The following CNTN4 variants were observed in gnomAD, a reference collection of about 807,000 sequenced individuals.
CNTN4 encodes the protein contactin 4, also known as contactin-4.
CNTN4 carries 77 observed loss-of-function variants against 122.5 expected under a neutral mutation model. That is an observed-to-expected ratio of 0.63 (90% confidence interval 0.52 to 0.76). The LOEUF is 0.76. Among genes scored for constraint, CNTN4 ranks in the 30% least tolerant of loss-of-function variants. The pLI, the probability that CNTN4 is intolerant of heterozygous loss-of-function variation, is 0.00. For synonymous variants in CNTN4, 512 were observed against 447.0 expected (o/e 1.15, Z -1.83); for missense variants, 1,256 against 1,259.1 (o/e 1.00, Z 0.04).
At chr3:2,588,403 A>G (rs1030993712) in intron 4 of CNTN4, among the ~76,000 whole-genome samples, 1 of 152,044 alleles carries the variant, frequency 6.6e-6, no homozygotes, top group African/African-American at 2.4e-5. Context: ...GCCTCGCACT[A>G]TTGTCTGGGC....
chr3:2,773,065 G>T (rs1040892827), intron 6 of CNTN4, among the ~76,000 whole-genome samples: 2 of 152,316 alleles, frequency 1.3e-5, no homozygotes, highest in South Asian at 2.1e-4. Context: ...TTTCATGGGA[G>T]ATCTGAGGCC....
intron 24 of CNTN4, among the ~76,000 whole-genome samples, chr3:3,055,702 C>T (rs535748344): frequency 8.5e-5 from 13 of 152,224 alleles, no homozygotes; most frequent in South Asian, 4.1e-4. Context: ...ATCTGTTAAG[C>T]GAGGTAATAA....
intron 4 of CNTN4, among the ~76,000 whole-genome samples, chr3:2,577,685 G>C (rs916475983): frequency 2.6e-5 from 4 of 152,264 alleles, no homozygotes; most frequent in Admixed American, 1.3e-4. Context: ...ATTTCACATA[G>C]GTCATATGCT....
At chr3:2,518,695 C>T (rs2077110974) in intron 3 of CNTN4, among the ~76,000 whole-genome samples, 1 of 151,880 alleles carries the variant, frequency 6.6e-6, no homozygotes, top group Non-Finnish European at 1.5e-5. Flanking sequence ...ATTGTTTAGC[C>T]CATGGCTAAA....
At chr3:2,945,591 A>T (rs1197595949) in intron 13 of CNTN4, among the ~76,000 whole-genome samples, 1 of 152,084 alleles carries the variant, frequency 6.6e-6, no homozygotes, top group Non-Finnish European at 1.5e-5. Flanking sequence ...CAGTAACTTC[A>T]TTTGAGGAAG....
intron 13 of CNTN4, among the ~76,000 whole-genome samples, chr3:2,928,549 T>C (rs2094493700): frequency 6.6e-6 from 1 of 152,212 alleles, no homozygotes; most frequent in African/African-American, 2.4e-5. Flanking sequence ...TAATTTCTAA[T>C]GCACTGCCTC....
At chr3:2,380,149 G>T (rs779162178) in intron 3 of CNTN4, among the ~76,000 whole-genome samples, 18 of 151,560 alleles carry the variant, frequency 1.2e-4, no homozygotes, top group Non-Finnish European at 2.5e-4. Context: ...TTGATCATCT[G>T]AAATAAAAAT....
chr3:3,054,234 C>T (rs1003560717), intron 24 of CNTN4, among the ~76,000 whole-genome samples: 18 of 152,258 alleles, frequency 1.2e-4, no homozygotes, highest in East Asian at 3.9e-4. Context: ...AAGGTTTTTC[C>T]GTGTCAACCT....
At chr3:2,572,311 A>G (rs1470242832) in intron 4 of CNTN4, among the ~76,000 whole-genome samples, 9 of 152,170 alleles carry the variant, frequency 5.9e-5, no homozygotes, top group African/African-American at 1.7e-4. Context: ...GCTTGAACCC[A>G]GAAGGCGAAG....
chr3:2,514,942 C>T (rs1473994597), intron 3 of CNTN4, among the ~76,000 whole-genome samples: 1 of 151,792 alleles, frequency 6.6e-6, no homozygotes, highest in Non-Finnish European at 1.5e-5. Context: ...TACCCCCTCC[C>T]TCTCTCTCTT....
chr3:2,163,488 C>A (rs1574972725), intron 2 of CNTN4, among the ~76,000 whole-genome samples: 1 of 151,778 alleles, frequency 6.6e-6, no homozygotes, highest in South Asian at 2.1e-4. Flanking sequence ...TAAGAAAAAC[C>A]AAAATAAATA....
rs908844637 is a variant in CNTN4 at position 2,709,313 on chromosome 3, C to T, written c.56-26902C>T. On this transcript the variant is annotated intron_variant, in intron 4 of 24. Transcript: ENST00000418658. This position sits in a 1 kb window ranked among gnomAD's most constrained non-coding sequence, Gnocchi z 5.0. ...TAATTAGTACAGTGTGATTCTCAAC[C>T]TTGGCTGCATATTAGAATCATCTGG... 2.0e-5 allele frequency among the ~76,000 whole-genome samples: 3 copies of T among 152,108 alleles called. No homozygotes were observed. The highest frequency in any genetic ancestry group is 4.4e-5 in the Non-Finnish European group (3 of 68,032).
rs2151258857 is a variant in CNTN4, at chr3:2,914,532, C to A, written c.1208-11097C>A. Among the ~76,000 whole-genome samples, 2 of 152,106 alleles carry A rather than the reference C, an allele frequency of 1.3e-5. 1 individual carries two copies. The highest frequency in any genetic ancestry group is 3.9e-4 in the East Asian group (2 of 5,184). ...AATTATTCACTGAAAAATTGGATAA[C>A]CTGGAAGAAGTAGATAAATTGCTAG... is the stretch of plus-strand genomic sequence containing the variant. On this transcript the variant is annotated intron_variant, in intron 12 of 24. Transcript: ENST00000418658.
chr3:2,255,702 G>A (rs766690229), intron 2 of CNTN4, among the ~76,000 whole-genome samples: 28 of 152,216 alleles, frequency 1.8e-4, no homozygotes, highest in African/African-American at 6.3e-4. Context: ...GGTAAATAAC[G>A]AAATTAAGGC....
chr3:2,366,758 T>TAATA (rs1202573986), intron 3 of CNTN4, among the ~76,000 whole-genome samples: 7 of 150,452 alleles, frequency 4.7e-5, no homozygotes, highest in East Asian at 1.9e-4. Context: ...GTAATAATAA[T>TAATA]AATAAATAAA....
rs565276986 is a variant in CNTN4, at chr3:2,142,922, A to G, written c.-145+42283A>G. Reference sequence around the variant, plus strand: ...CTCTATTTTTTGCAATTGCCAGGCAATGACAGTGTACTTTACTTCTACTCT... The same window carrying G: ...CTCTATTTTTTGCAATTGCCAGGCAGTGACAGTGTACTTTACTTCTACTCT... On this transcript the variant is annotated intron_variant, in intron 2 of 24. Coordinates refer to ENST00000418658, the MANE Select transcript of CNTN4 (RefSeq NM_175607.3). Among the ~76,000 whole-genome samples the G allele has an allele frequency of 7.2e-5, 11 of 152,364 alleles. No homozygotes were observed. In the South Asian group the frequency reaches 1.9e-3, roughly 26 times the overall value.
At chr3:2,425,428 T>A (rs1278102542) in intron 3 of CNTN4, among the ~76,000 whole-genome samples, 1 of 151,968 alleles carries the variant, frequency 6.6e-6, no homozygotes, top group Non-Finnish European at 1.5e-5. Context: ...CCATTGGTCT[T>A]CATCTCTGTT....
chr3:2,436,706 C>G (rs549206252), intron 3 of CNTN4, among the ~76,000 whole-genome samples: 4 of 151,644 alleles, frequency 2.6e-5, no homozygotes, highest in African/African-American at 9.7e-5. Context: ...TTTTTAATCT[C>G]TGATCTGCAG....
chr3:2,366,372 G>T (rs1267024777), intron 3 of CNTN4, among the ~76,000 whole-genome samples: 1 of 152,124 alleles, frequency 6.6e-6, no homozygotes, highest in African/African-American at 2.4e-5. Context: ...CTGGGATTCT[G>T]ATTAAAAACT....
Sources: allele counts gnomAD v4.1 joint callset (sites outside exome capture counted in the v4.1 genomes callset), GRCh38; gene constraint gnomAD v4.1.1; non-coding constraint Gnocchi (gnomAD v3.1); transcripts MANE v1.5; gene names NCBI Gene and HGNC (gene_info 2026-07-23, HGNC 2026-07-21).